Variants in JARID2 observed in about 807,000 individuals in gnomAD.
The protein encoded by JARID2 is protein Jumonji.
JARID2 carries 21 observed loss-of-function variants against 125.6 expected under a neutral mutation model. That is an observed-to-expected ratio of 0.17 (90% CI 0.12 to 0.24). JARID2 has a LOEUF of 0.24. Among genes scored for constraint, JARID2 ranks in the 10% least tolerant of loss-of-function variants. The pLI, the probability that JARID2 is intolerant of heterozygous loss-of-function variation, is 1.00. For missense variants in JARID2, 1,303 were observed against 1,639.6 expected, an observed-to-expected ratio of 0.79 and a Z score of 3.55; for synonymous variants, 736 against 661.6, an observed-to-expected ratio of 1.11 and a Z score of -1.73.
intron 2 of JARID2, among the ~76,000 whole-genome samples, chr6:15,400,245 G>T (rs913671255): frequency 2.0e-5 from 3 of 151,938 alleles, no homozygotes; most frequent in African/African-American, 7.3e-5. Context: ...GGCCCATGCG[G>T]TCACTTCATA....
intron 5 of JARID2, among the ~76,000 whole-genome samples, chr6:15,473,392 T>C (rs1254367364): frequency 6.6e-6 from 1 of 152,018 alleles, no homozygotes; most frequent in Non-Finnish European, 1.5e-5. Context: ...CAGAAGACAT[T>C]CAGGTCTTTA....
intron 1 of JARID2, among the ~76,000 whole-genome samples, chr6:15,373,732 C>T (rs1284782785): frequency 6.6e-6 from 1 of 152,210 alleles, no homozygotes; most frequent in Non-Finnish European, 1.5e-5. Flanking sequence ...AGTGTACATT[C>T]TGGCATTGCT....
chr6:15,455,118 TGGA>T (rs1040321710), intron 4 of JARID2, among the ~76,000 whole-genome samples: 4 of 150,734 alleles, frequency 2.7e-5, no homozygotes, highest in African/African-American at 7.3e-5. Context: ...CCTTGACACC[TGGA>T]GTTTGAGGCT....
intron 2 of JARID2, among the ~76,000 whole-genome samples, chr6:15,402,968 G>A (rs1433100181): frequency 3.3e-5 from 5 of 152,096 alleles, no homozygotes; most frequent in East Asian, 1.9e-4. Flanking sequence ...TAGAACTGCC[G>A]ATTGTAGAGC....
intron 15 of JARID2, 59 bp downstream of exon 15, chr6:15,513,104 A>C (rs565304161): frequency 6.2e-7 from 1 of 1,608,706 alleles, no homozygotes; most frequent in African/African-American, 1.3e-5. Flanking sequence ...TCGGGGGCTC[A>C]CCCCCCGAGC....
At chr6:15,445,065 C>T (rs1377374314) in intron 3 of JARID2, among the ~76,000 whole-genome samples, 1 of 152,072 alleles carries the variant, frequency 6.6e-6, no homozygotes, top group African/African-American at 2.4e-5. Flanking sequence ...TGTTGTGCCG[C>T]AGTCAGGGCT....
At chr6:15,297,342 G>A (rs975446725) in intron 1 of JARID2, among the ~76,000 whole-genome samples, 1 of 151,812 alleles carries the variant, frequency 6.6e-6, no homozygotes, top group Non-Finnish European at 1.5e-5. Context: ...TAGAGACGGG[G>A]TTTTATCGTC....
rs566995122 is a variant in JARID2, at chr6:15,516,517, C to T, written c.3451-644C>T. On this transcript the variant is annotated intron_variant, in intron 16 of 17. Coordinates refer to ENST00000341776, the MANE Select transcript of JARID2 (RefSeq NM_004973.4). The stretch of plus-strand genomic sequence containing the variant: ...ACAGCTGTGGGCTTTGTGGACAGCC[C>T]GCCCAAGGGGGCCGGGGCTGGTGGG... Among the ~76,000 whole-genome samples, 575 of 152,300 alleles carry T rather than the reference C, an allele frequency of 3.8e-3. 2 individuals are homozygous for T. The highest frequency in any genetic ancestry group is 6.8e-3 in the Middle Eastern group (2 of 294).
At chr6:15,327,742 TA>T (rs1451142778) in intron 1 of JARID2, among the ~76,000 whole-genome samples, 4 of 152,178 alleles carry the variant, frequency 2.6e-5, no homozygotes, top group Non-Finnish European at 5.9e-5. Flanking sequence ...ACAGTCTTTA[TA>T]AAAAGAATAA....
chr6:15,415,975 G>T (rs1766178010), intron 3 of JARID2, among the ~76,000 whole-genome samples: 2 of 151,150 alleles, frequency 1.3e-5, no homozygotes, highest in African/African-American at 4.9e-5. Context: ...CTCAGACAGG[G>T]CGGCTGGGCA....
At position 15,496,225 on chromosome 6, in the gene JARID2, A is replaced by G; in HGVS notation, c.1000A>G (p.Lys334Glu). The G allele has an allele frequency of 1.2e-6, 2 of 1,614,164 alleles. No homozygotes were observed. Among genetic ancestry groups the G allele is most frequent in the Non-Finnish European group, 1.7e-6 (2 of 1,180,034 alleles). The change falls in exon 7 of 18, where the codon AAA (lysine) becomes GAA (glutamate). Residue 334 changes from lysine (K) to glutamate (E), a missense_variant. Physicochemically the swap from Lys to Glu is moderately conservative, Grantham distance 56 (BLOSUM62 1). This residue lies in a region of JARID2 where 651 missense variants were observed against 581.6 expected (regional missense o/e 1.12). Coordinates refer to ENST00000341776, the MANE Select transcript of JARID2 (RefSeq NM_004973.4). ...KMREVRPSPS[K>E]TVKYTATVTK... is the part of the protein sequence containing the mutation. ...GCGCGAGGTCAGACCTTCACCATCC[A>G]AAACTGTGAAGTACACTGCCACGGT...
chr6:15,265,964 G>A (rs1760068857), intron 1 of JARID2, among the ~76,000 whole-genome samples: 2 of 152,134 alleles, frequency 1.3e-5, no homozygotes, highest in South Asian at 4.2e-4. Context: ...CCTAGCCAAC[G>A]GGGGTGAATA....
intron 1 of JARID2, among the ~76,000 whole-genome samples, chr6:15,321,383 A>G (rs1762347761): frequency 2.6e-5 from 4 of 152,358 alleles, no homozygotes; most frequent in Admixed American, 2.0e-4. Flanking sequence ...ATTACGGCAC[A>G]TATTTCATTA....
chr6:15,323,578 A>G (rs185990322), intron 1 of JARID2, among the ~76,000 whole-genome samples: 56 of 152,326 alleles, frequency 3.7e-4, no homozygotes, highest in African/African-American at 1.3e-3. Context: ...TAAGCATAAG[A>G]CTTTTTAGGG....
At chr6:15,386,804 C>G (rs1187123123) in intron 2 of JARID2, among the ~76,000 whole-genome samples, 2 of 152,320 alleles carry the variant, frequency 1.3e-5, no homozygotes, top group Non-Finnish European at 2.9e-5. Context: ...CCCTTAGCAG[C>G]TCCAGAAGTG....
chr6:15,246,584 C>T lies in JARID2; in HGVS notation c.45C>T (p.Tyr15=). ...RPKRNIIQKK[Y]DDSDGIPWSE... ...AGAGGAATATCATTCAGAAGAAATA[C>T]GTAAGTGCTCCTAACAACACATCCT... Residue 15 remains tyrosine (Y), a splice_region_variant and synonymous_variant, in exon 1 of 18, where the codon TAC becomes TAT. Transcript: ENST00000341776. 1 of 1,611,362 alleles carries T rather than the reference C, an allele frequency of 6.2e-7. No individual in the cohort carries two copies. The highest frequency in any genetic ancestry group is 1.7e-5 in the Admixed American group (1 of 59,982).
At chr6:15,428,900 T>C (rs759758285) in intron 3 of JARID2, among the ~76,000 whole-genome samples, 1 of 144,394 alleles carries the variant, frequency 6.9e-6, no homozygotes, top group Non-Finnish European at 1.5e-5. Flanking sequence ...AGCGAGACTC[T>C]GTCTCAAAAA....
intron 1 of JARID2, among the ~76,000 whole-genome samples, chr6:15,293,192 T>C (rs1761289456): frequency 6.6e-6 from 1 of 152,222 alleles, no homozygotes; most frequent in Non-Finnish European, 1.5e-5. Context: ...AGTCAGGACC[T>C]CTACTTCCAA....
chr6:15,514,124 C>A (rs1319177704), intron 16 of JARID2, among the ~76,000 whole-genome samples: 1 of 152,094 alleles, frequency 6.6e-6, no homozygotes, highest in African/African-American at 2.4e-5. Flanking sequence ...ACCCCTGTTC[C>A]AGCCCAGAGG....
Sources: gnomAD v4.1 joint callset for allele counts (sites outside exome capture counted in the v4.1 genomes callset) on GRCh38, gnomAD v4.1.1 for gene constraint, gnomAD v4.1.1 regional missense constraint, MANE v1.5 for transcripts, NCBI Gene and HGNC (gene_info 2026-07-23, HGNC 2026-07-21) for gene names.